Variants in SORCS2 observed in about 807,000 individuals in gnomAD.
SORCS2 encodes sortilin related VPS10 domain containing receptor 2, also known as VPS10 domain-containing receptor SorCS2.
A neutral mutation model predicts 141.6 loss-of-function variants in SORCS2; 100 were observed. That is an observed-to-expected ratio of 0.71 (90% CI 0.60 to 0.83). SORCS2 has a LOEUF of 0.83. Among genes scored for constraint, SORCS2 ranks in the 40% least tolerant of loss-of-function variants. SORCS2 has a pLI of 0.00. For synonymous variants in SORCS2, 789 were observed against 676.9 expected (o/e 1.17, Z -2.57); for missense variants, 1,646 against 1,560.2 (o/e 1.05, Z -0.93).
intron 2 of SORCS2, among the ~76,000 whole-genome samples, chr4:7,527,667 CA>C (rs1733782633): frequency 6.6e-6 from 1 of 151,970 alleles, no homozygotes; most frequent in South Asian, 2.1e-4. Context: ...TTTGTTACAG[CA>C]GCCATGGGAA....
intron 2 of SORCS2, among the ~76,000 whole-genome samples, chr4:7,450,018 G>A (rs1163014233): frequency 6.6e-6 from 1 of 152,208 alleles, no homozygotes; most frequent in East Asian, 1.9e-4. Flanking sequence ...GGACACGTGG[G>A]GCTGGGCGTT....
At chr4:7,548,772 C>T (rs759105264) in intron 3 of SORCS2, among the ~76,000 whole-genome samples, 1 of 152,168 alleles carries the variant, frequency 6.6e-6, no homozygotes, top group Non-Finnish European at 1.5e-5. Context: ...AGGGAGGAGG[C>T]CATCAGATGC....
chr4:7,553,409 A>T (rs57717198), intron 3 of SORCS2, among the ~76,000 whole-genome samples: 1 of 152,252 alleles, frequency 6.6e-6, no homozygotes, highest in African/African-American at 2.4e-5. Flanking sequence ...ACTGAATTTC[A>T]AAATGATAAA....
chr4:7,535,489 C>T (rs192744290), intron 3 of SORCS2, among the ~76,000 whole-genome samples: 308 of 152,338 alleles, frequency 2.0e-3, no homozygotes, highest in Non-Finnish European at 3.9e-3. Context: ...AAGTGTGAAC[C>T]GCCCTTGTTC....
At chr4:7,496,516 C>A (rs1731640663) in intron 2 of SORCS2, among the ~76,000 whole-genome samples, 1 of 140,328 alleles carries the variant, frequency 7.1e-6, no homozygotes, top group East Asian at 2.2e-4. Flanking sequence ...TGGTGCTCTG[C>A]ACGGAGGCTG....
intron 3 of SORCS2, among the ~76,000 whole-genome samples, chr4:7,595,542 A>T (rs1274029560): frequency 1.7e-5 from 1 of 59,278 alleles, no homozygotes; most frequent in African/African-American, 6.4e-5. Context: ...CCCGCCCCGC[A>T]CCAGCCATCT....
At chr4:7,256,018 G>C (rs1713850390) in intron 1 of SORCS2, among the ~76,000 whole-genome samples, 1 of 152,048 alleles carries the variant, frequency 6.6e-6, no homozygotes, top group Non-Finnish European at 1.5e-5. Context: ...GGAGTGTGGG[G>C]TCCTAGGTCT....
chr4:7,460,919 A>G (rs1450217034), intron 2 of SORCS2, among the ~76,000 whole-genome samples: 2 of 152,060 alleles, frequency 1.3e-5, no homozygotes, highest in Non-Finnish European at 2.9e-5. Flanking sequence ...TCATGGGACC[A>G]CACTCAACAC....
chr4:7,485,234 C>T, intron 2 of SORCS2, among the ~76,000 whole-genome samples: 1 of 152,218 alleles, frequency 6.6e-6, no homozygotes, highest in East Asian at 1.9e-4. Flanking sequence ...CTGGTCTAAG[C>T]CAGCATGCCC....
intron 8 of SORCS2, 75 bp from the exon 9 acceptor site, chr4:7,675,975 G>T: frequency 2.0e-6 from 3 of 1,507,994 alleles, no homozygotes; most frequent in Non-Finnish European, 2.7e-6. Context: ...CTCACGGCCT[G>T]TGCAGCCTGC....
chr4:7,528,376 G>T (rs551456713), intron 2 of SORCS2, among the ~76,000 whole-genome samples: 1 of 149,682 alleles, frequency 6.7e-6, no homozygotes, highest in South Asian at 2.1e-4. Flanking sequence ...AGGGTGAGGG[G>T]CTTCCTAGGC....
intron 3 of SORCS2, among the ~76,000 whole-genome samples, chr4:7,609,066 C>A (rs1215069948): frequency 6.6e-6 from 1 of 152,066 alleles, no homozygotes; most frequent in Admixed American, 6.5e-5. Context: ...ACTAAAAGCA[C>A]TAACACTCAG....
chr4:7,239,934 T>A (rs1417839070), intron 1 of SORCS2, among the ~76,000 whole-genome samples: 1 of 152,220 alleles, frequency 6.6e-6, no homozygotes, highest in East Asian at 1.9e-4. Context: ...GGTCGGAATC[T>A]TGTGCCGTCT....
chr4:7,309,377 T>C (rs1468436778), intron 1 of SORCS2, among the ~76,000 whole-genome samples: 1 of 152,156 alleles, frequency 6.6e-6, no homozygotes, highest in African/African-American at 2.4e-5. Flanking sequence ...CACGGGAGCC[T>C]CAGCCCGTCT....
chr4:7,549,839 A>G (rs201236541), intron 3 of SORCS2, among the ~76,000 whole-genome samples: 2 of 152,270 alleles, frequency 1.3e-5, no homozygotes, highest in East Asian at 3.9e-4. Context: ...AAGGGCAACC[A>G]TATAACAGTA....
At chr4:7,303,650 G>A (rs1717593955) in intron 1 of SORCS2, among the ~76,000 whole-genome samples, 1 of 152,266 alleles carries the variant, frequency 6.6e-6, no homozygotes. Flanking sequence ...GGTGCTGAGT[G>A]TCAGGGTATC....
chr4:7,691,888 AT>A (rs1724279509), intron 11 of SORCS2, among the ~76,000 whole-genome samples: 1 of 151,888 alleles, frequency 6.6e-6, no homozygotes, highest in African/African-American at 2.4e-5. Context: ...GTCTCCCAAC[AT>A]CTCTCAGTGC....
At chr4:7,640,461 A>G (rs1384089611) in intron 4 of SORCS2, among the ~76,000 whole-genome samples, 1 of 83,672 alleles carries the variant, frequency 1.2e-5, no homozygotes, top group East Asian at 1.0e-3. Flanking sequence ...GGTGTGTATG[A>G]GCGTGTGTGT....
intron 1 of SORCS2, among the ~76,000 whole-genome samples, chr4:7,348,904 C>T (rs1027102255): frequency 3.3e-5 from 5 of 152,168 alleles, no homozygotes; most frequent in Non-Finnish European, 5.9e-5. Context: ...TGTCGGAAAG[C>T]GACCCATCAT....
Sources: gnomAD v4.1 joint callset for allele counts (sites outside exome capture counted in the v4.1 genomes callset) on GRCh38, gnomAD v4.1.1 for gene constraint, MANE v1.5 for transcripts, NCBI Gene and HGNC (gene_info 2026-07-23, HGNC 2026-07-21) for gene names.